The following KANK3 variants were observed in gnomAD, a reference collection of about 807,000 sequenced individuals.
KANK3 encodes the protein KN motif and ankyrin repeat domains 3.
KANK3 carries 61 observed loss-of-function variants against 65.4 expected under a neutral mutation model. The ratio of observed to expected loss-of-function variants is 0.93; its 90% CI spans 0.76 to 1.15. The LOEUF (loss-of-function observed/expected upper bound fraction) is 1.15, where lower values mean the gene tolerates loss of function less well. Among genes scored for constraint, KANK3 ranks in the 50% most tolerant of loss-of-function variants. KANK3 has a pLI of 0.00. For synonymous variants in KANK3, 586 were observed against 543.3 expected (o/e 1.08, Z -1.09); for missense variants, 1,187 against 1,178.8 (o/e 1.01, Z -0.10).
chr19:8,323,460 G>A (rs1239529163), intron 10 of KANK3: 1 of 153,424 alleles, frequency 6.5e-6, no homozygotes, highest in Non-Finnish European at 1.5e-5. Context: ...CAGCTACTTG[G>A]GAGGCTGAGG....
intron 7 of KANK3, among the ~76,000 whole-genome samples, chr19:8,329,101 G>A (rs549974954): frequency 1.3e-5 from 2 of 151,072 alleles, no homozygotes; most frequent in Non-Finnish European, 2.9e-5. Flanking sequence ...AACCCGGGAG[G>A]CAGACCTTGC....
At chr19:8,335,832 C>T in intron 2 of KANK3, 40 bp from the exon 3 acceptor site, 1 of 1,210,178 alleles carries the variant, frequency 8.3e-7, no homozygotes, top group Non-Finnish European at 1.0e-6. Flanking sequence ...CGCATCAGAA[C>T]GGGGAAACCC....
chr19:8,330,797 A>G (rs1412180809), intron 7 of KANK3, among the ~76,000 whole-genome samples: 1 of 151,394 alleles, frequency 6.6e-6, no homozygotes, highest in Non-Finnish European at 1.5e-5. Context: ...CCAGCTACTC[A>G]GGAGGCTGAG....
At position 8,335,083 on chromosome 19, in the gene KANK3, C is replaced by T. The variant is rs954318965; in HGVS notation, c.744G>A (p.Arg248=). Residue 248 remains arginine, a synonymous_variant, in exon 3 of 11, where the codon CGG becomes CGA. Transcript: ENST00000330915. ...AGGTGGCCAGGCGCTCGGTGAGCCGCCGCAGCTGGGCGAGCTTGTCCGGGC... is the reference window on the plus strand; with the variant it reads ...AGGTGGCCAGGCGCTCGGTGAGCCGTCGCAGCTGGGCGAGCTTGTCCGGGC... The part of the protein sequence containing the change: ...ETRPDKLAQL[R]RLTERLATSE... 1.6e-5 allele frequency: 21 copies of T among 1,310,036 alleles called. No homozygotes were observed. In the African/African-American group the frequency reaches 2.6e-4, roughly 16 times the overall value. 81.2% of individuals were successfully genotyped at this position (1,310,036 alleles called of 1,614,324 possible).
rs1178193930 is a variant in KANK3, at chr19:8,333,051, G to C, written c.1899C>G (p.His633Gln). ...GCAGGCTTGCGATGGCCAGGTTCCCGTGGGACACACTGTAGTGCAGGGCCG... is the reference window on the plus strand; with the variant it reads ...GCAGGCTTGCGATGGCCAGGTTCCCCTGGGACACACTGTAGTGCAGGGCCG... ...GNTALHYSVS[H>Q]GNLAIASLLL... The change falls in exon 7 of 11, where the codon CAC becomes CAG. Residue 633 changes from histidine (H) to glutamine (Q), a missense_variant. By Grantham distance (24) the His-to-Gln change is conservative. Around this residue, in one of 3 missense-constraint regions of KANK3, gnomAD observed 1,078 missense variants for 1,038.2 expected, o/e 1.04. Transcript: ENST00000330915. This position sits in a 1 kb window ranked among gnomAD's most constrained non-coding sequence, Gnocchi z 5.0. 4.2e-6 allele frequency: 6 copies of C among 1,444,592 alleles called. No individual in the cohort carries two copies. The South Asian group carries it at 5.6e-5, about 14-fold the overall frequency. 89.5% of individuals were successfully genotyped at this position (1,444,592 alleles called of 1,614,324 possible).
At chr19:8,327,623 C>G (rs1970452093) in intron 7 of KANK3, among the ~76,000 whole-genome samples, 1 of 152,194 alleles carries the variant, frequency 6.6e-6, no homozygotes, top group South Asian at 2.1e-4. Context: ...GAGCGACACT[C>G]TGCTCCCCGC....
chr19:8,334,982 C>T lies in KANK3; in HGVS notation c.845G>A (p.Gly282Asp). 1 of 1,492,206 alleles carries T rather than the reference C, an allele frequency of 6.7e-7. No individual in the cohort carries two copies. Among genetic ancestry groups the T allele is most frequent in the Non-Finnish European group, 8.8e-7 (1 of 1,131,054 alleles). 92.4% of individuals were successfully genotyped at this position (1,492,206 alleles called of 1,614,324 possible). A position where few individuals can be genotyped will look rare whatever the true frequency, so the allele number is the denominator to read the frequency against. Residue 282 changes from glycine (G) to aspartate (D), a missense_variant, in exon 3 of 11, where the codon GGC becomes GAC. By Grantham distance (94) the Gly-to-Asp change is moderately conservative (BLOSUM62 -1). Coordinates refer to ENST00000330915, the MANE Select transcript of KANK3 (RefSeq NM_198471.3). ...CTCCCCGTCGAGGACCTGGAGCGCG[C>T]CCTCGCTGCGCCCTGCAGCCAGGCC... ...PDGLAAGRSE[G>D]ALQVLDGEVG...
rs765621259 is a variant in KANK3 at position 8,324,623 on chromosome 19, G to T, written c.2283+7C>A. The T allele has an allele frequency of 1.1e-5, 17 of 1,613,798 alleles. No individual in the cohort carries two copies. In the African/African-American group the frequency reaches 2.0e-4, roughly 19 times the overall value. ...CCCAAGATGCCAGCCCCATTGTGGG[G>T]TCTTACATTGTCCAGGATGGCAGGG... On this transcript the variant is annotated splice_region_variant and intron_variant, in intron 9 of 10. Coordinates refer to ENST00000330915, the MANE Select transcript of KANK3 (RefSeq NM_198471.3).
chr19:8,322,758 G>A lies in KANK3; in HGVS notation c.*81C>T, dbSNP rs1345463932. 2.8e-6 allele frequency: 3 copies of A among 1,075,180 alleles called. No individual in the cohort carries two copies. The highest frequency in any genetic ancestry group is 1.6e-5 in the African/African-American group (1 of 64,148). The allele number at this position is 1,075,180 out of a possible 1,614,324, so 66.6% of individuals were successfully genotyped here. Reference sequence around the variant, plus strand: ...GTTAGCCTCTGAGCAGGGGACCCTGGACCCTTCTGTGCGCCAAAGGCTGAG... The same window carrying A: ...GTTAGCCTCTGAGCAGGGGACCCTGAACCCTTCTGTGCGCCAAAGGCTGAG... On this transcript the variant is annotated 3_prime_UTR_variant, in exon 11 of 11. Transcript: ENST00000330915.
intron 1 of KANK3, among the ~76,000 whole-genome samples, chr19:8,339,985 GA>G (rs1159078285): frequency 4.1e-5 from 4 of 98,212 alleles, no homozygotes; most frequent in African/African-American, 4.5e-5. Flanking sequence ...AAAAAAAAAA[GA>G]AAAGAAAAGA....
intron 7 of KANK3, among the ~76,000 whole-genome samples, chr19:8,328,433 A>T (rs1003970447): frequency 2.2e-5 from 3 of 138,520 alleles, no homozygotes; most frequent in East Asian, 2.1e-4. Flanking sequence ...ACACACACAC[A>T]CTCAAAACTA....
At position 8,333,484 on chromosome 19, in the gene KANK3, G is replaced by T. The variant is rs894792928; in HGVS notation, c.1719+240C>A. 6.6e-6 allele frequency among the ~76,000 whole-genome samples: 1 copy of T among 152,210 alleles called. No individual in the cohort carries two copies. Among genetic ancestry groups the T allele is most frequent in the Admixed American group, 6.5e-5 (1 of 15,274 alleles). On this transcript the variant is annotated intron_variant, in intron 6 of 10. Coordinates refer to ENST00000330915, the MANE Select transcript of KANK3 (RefSeq NM_198471.3). This position sits in a 1 kb window ranked among gnomAD's most constrained non-coding sequence, Gnocchi z 5.0. ...AGAATTTGCGGGAGAACATGGAACG[G>T]GGAAAGGCAATGAACGCTTGCCCTT...
intron 7 of KANK3, among the ~76,000 whole-genome samples, chr19:8,329,757 GC>G (rs762312059): frequency 2.6e-5 from 4 of 152,196 alleles, no homozygotes; most frequent in Non-Finnish European, 4.4e-5. Flanking sequence ...GCCTTCCTGA[GC>G]CTTGGGGGAT....
chr19:8,327,696 AGGT>A (rs1970453485), intron 7 of KANK3, among the ~76,000 whole-genome samples: 1 of 152,062 alleles, frequency 6.6e-6, no homozygotes, highest in South Asian at 2.1e-4. Flanking sequence ...CAGGAGGCTG[AGGT>A]GGAAGGATCG....
rs754651972 is a variant in KANK3 at position 8,322,956 on chromosome 19, A to T, written c.2383-34T>A. On this transcript the variant is annotated intron_variant, in intron 10 of 10. Coordinates refer to ENST00000330915, the MANE Select transcript of KANK3 (RefSeq NM_198471.3). ...AGGGGAAAAGAGGGGGGCCTGCTGC[A>T]ATCTCCTTGAGGCAGGAAACGTGGG... 11 of 1,227,948 alleles carry T rather than the reference A, an allele frequency of 9.0e-6. No homozygotes were observed. In the East Asian group the frequency reaches 1.1e-4, roughly 12 times the overall value. The allele number at this position is 1,227,948 out of a possible 1,614,324, so 76.1% of individuals were successfully genotyped here.
chr19:8,326,711 G>C (rs982971666), intron 7 of KANK3, among the ~76,000 whole-genome samples: 2 of 150,950 alleles, frequency 1.3e-5, no homozygotes, highest in Non-Finnish European at 2.9e-5. Context: ...GCAGAAGAAT[G>C]GCATGAACCC....
chr19:8,342,509 C>T (rs1444386782), intron 1 of KANK3, among the ~76,000 whole-genome samples: 1 of 152,222 alleles, frequency 6.6e-6, no homozygotes, highest in Non-Finnish European at 1.5e-5. Context: ...CACACGCCCC[C>T]TCTCCCGCCC....
chr19:8,341,008 C>G (rs1238650996), intron 1 of KANK3, among the ~76,000 whole-genome samples: 3 of 152,054 alleles, frequency 2.0e-5, no homozygotes, highest in Non-Finnish European at 4.4e-5. Flanking sequence ...ATGGGGTCAG[C>G]GTCCTCCTCC....
intron 10 of KANK3, 129 bp from the exon 11 acceptor site, chr19:8,323,051 C>T: frequency 1.9e-6 from 1 of 537,788 alleles, no homozygotes; most frequent in East Asian, 3.4e-5. Context: ...TGTATCCAAC[C>T]TCTGCCCCTT....
Sources: allele counts gnomAD v4.1 joint callset (sites outside exome capture counted in the v4.1 genomes callset), GRCh38; gene constraint gnomAD v4.1.1; regional missense constraint gnomAD v4.1.1; non-coding constraint Gnocchi (gnomAD v3.1); transcripts MANE v1.5; gene names NCBI Gene and HGNC (gene_info 2026-07-23, HGNC 2026-07-21).